Variants in TBX5 observed in about 807,000 individuals in gnomAD.
TBX5 encodes T-box transcription factor TBX5.
In TBX5, 8 loss-of-function variants were observed where a neutral mutation model predicts 51.1. The ratio of observed to expected loss-of-function variants is 0.16; its 90% CI spans 0.09 to 0.28. TBX5 has a LOEUF of 0.28. TBX5 is among the 10% of genes least tolerant of loss of function. The pLI is 1.00. For missense variants in TBX5, 589 were observed against 671.7 expected, an observed-to-expected ratio of 0.88 and a Z score of 1.36; for synonymous variants, 302 against 266.4, an observed-to-expected ratio of 1.13 and a Z score of -1.30.
intron 7 of TBX5, among the ~76,000 whole-genome samples, chr12:114,377,060 C>G (rs1870231364): frequency 6.6e-6 from 1 of 152,196 alleles, no homozygotes; most frequent in Non-Finnish European, 1.5e-5. Context: ...TCCCCAGACA[C>G]AACCCCGCTC....
intron 7 of TBX5, among the ~76,000 whole-genome samples, chr12:114,379,515 T>G (rs2555031): frequency 0.78 from 118,504 of 152,184 alleles, 46,460 homozygotes; most frequent in East Asian, 0.83. Context: ...GGAAGCCAGG[T>G]TGTCCCAGCC....
chr12:114,384,745 A>ACACACACACAAC (rs10629159), intron 7 of TBX5, among the ~76,000 whole-genome samples: 22,930 of 114,184 alleles, frequency 0.2, 1,900 homozygotes, highest in Admixed American at 0.29. Flanking sequence ...ACACACACAC[A>ACACACACACAAC]ACACACACAC....
At chr12:114,381,752 G>A (rs1870516297) in intron 7 of TBX5, among the ~76,000 whole-genome samples, 1 of 152,084 alleles carries the variant, frequency 6.6e-6, no homozygotes, top group African/African-American at 2.4e-5. Context: ...GCCTTCTGTG[G>A]GAACCACTCT....
chr12:114,381,079 A>C (rs1870480501), intron 7 of TBX5, among the ~76,000 whole-genome samples: 1 of 152,306 alleles, frequency 6.6e-6, no homozygotes, highest in African/African-American at 2.4e-5. Flanking sequence ...TGTAACTAGA[A>C]ACCATTAAAA....
At chr12:114,387,739 G>A (rs559749222) in intron 6 of TBX5, among the ~76,000 whole-genome samples, 3 of 152,336 alleles carry the variant, frequency 2.0e-5, no homozygotes, top group South Asian at 4.1e-4. Flanking sequence ...TGTCCATGGT[G>A]GGGGTGGCTG....
At chr12:114,397,666 A>C (rs929959464) in intron 5 of TBX5, among the ~76,000 whole-genome samples, 1 of 152,190 alleles carries the variant, frequency 6.6e-6, no homozygotes, top group Non-Finnish European at 1.5e-5. Flanking sequence ...ATTCAGTTTC[A>C]GGAAATTCAC....
At chr12:114,373,709 G>A (rs1229189486) in intron 7 of TBX5, among the ~76,000 whole-genome samples, 9 of 152,078 alleles carry the variant, frequency 5.9e-5, no homozygotes, top group African/African-American at 1.2e-4. Context: ...CGCCCACCTC[G>A]GCCTCCCAAA....
intron 2 of TBX5, among the ~76,000 whole-genome samples, chr12:114,403,397 C>T (rs1593885746): frequency 6.6e-6 from 1 of 150,514 alleles, no homozygotes; most frequent in Admixed American, 6.6e-5. Context: ...TGCTGGGGGC[C>T]GATTCTACAC....
At chr12:114,395,514 A>G (rs1477966324) in intron 5 of TBX5, among the ~76,000 whole-genome samples, 1 of 152,112 alleles carries the variant, frequency 6.6e-6, no homozygotes, top group Non-Finnish European at 1.5e-5. Flanking sequence ...AAGAGAAGAT[A>G]TTTGGGGGTC....
intron 6 of TBX5, among the ~76,000 whole-genome samples, chr12:114,388,539 G>A (rs1380796164): frequency 6.6e-6 from 1 of 151,996 alleles, no homozygotes; most frequent in African/African-American, 2.4e-5. Flanking sequence ...GTGCAGTGGA[G>A]TGACCATAGC....
Position 114,394,705 on chromosome 12 carries a change from C to T in TBX5, c.663+36G>A, listed in dbSNP as rs2236017. Reference sequence around the variant, plus strand: ...AGATTCATGCAAAAGAAAGAGCAGACGGCCCCAGGCACTGGTTCCTGGGCT... The same window carrying T: ...AGATTCATGCAAAAGAAAGAGCAGATGGCCCCAGGCACTGGTTCCTGGGCT... On this transcript the variant is annotated intron_variant, in intron 6 of 8. Coordinates refer to ENST00000405440, the MANE Select transcript of TBX5 (RefSeq NM_181486.4). 19 of 1,613,396 alleles carry T rather than the reference C, an allele frequency of 1.2e-5. No individual in the cohort carries two copies. The Admixed American group carries it at 1.5e-4, about 13-fold the overall frequency.
chr12:114,356,082 T>C lies in TBX5; in HGVS notation c.1007A>G (p.His336Arg). The C allele has an allele frequency of 6.2e-7, 1 of 1,612,604 alleles. No individual in the cohort carries two copies. Among genetic ancestry groups the C allele is most frequent in the South Asian group, 1.1e-5 (1 of 91,074 alleles). ...CTCCATGTAGGGCTTCTTATAGGGA[T>C]GGTCTGTGGTGGAACATTCTTCCTC... is the stretch of plus-strand genomic sequence containing the variant. ...RKEEECSTTD[H>R]PYKKPYMETS... Residue 336 changes from histidine (H) to arginine (R), a missense_variant, in exon 9 of 9, where the codon CAT becomes CGT. His to Arg is a conservative substitution (Grantham distance 29, BLOSUM62 0). Around this residue, in one of 7 missense-constraint regions of TBX5, gnomAD observed 348 missense variants for 360.4 expected, o/e 0.97. Coordinates refer to ENST00000405440, the MANE Select transcript of TBX5 (RefSeq NM_181486.4).
chr12:114,371,181 A>G (rs896631672), intron 7 of TBX5, among the ~76,000 whole-genome samples: 5 of 152,178 alleles, frequency 3.3e-5, no homozygotes, highest in Non-Finnish European at 7.3e-5. Context: ...CAGAAACTTT[A>G]GTTTGCAACA....
At chr12:114,360,897 C>T (rs181330859) in intron 8 of TBX5, among the ~76,000 whole-genome samples, 30 of 152,178 alleles carry the variant, frequency 2.0e-4, no homozygotes, top group African/African-American at 4.1e-4. Context: ...AGATTCTCAA[C>T]GAGAAATCAA....
intron 7 of TBX5, among the ~76,000 whole-genome samples, chr12:114,377,480 T>C (rs1870256481): frequency 6.6e-6 from 1 of 152,006 alleles, no homozygotes; most frequent in Non-Finnish European, 1.5e-5. Context: ...TGCCTCAAAC[T>C]CCTGGGCTCA....
intron 8 of TBX5, among the ~76,000 whole-genome samples, chr12:114,359,161 A>C (rs1432510880): frequency 6.6e-6 from 1 of 152,226 alleles, no homozygotes; most frequent in Non-Finnish European, 1.5e-5. Context: ...TCCAGTCTTT[A>C]ATACCCCAAA....
rs1443684209 is a variant in TBX5 at position 114,355,282 on chromosome 12, G to A, written c.*250C>T. On this transcript the variant is annotated 3_prime_UTR_variant, in exon 9 of 9. Transcript: ENST00000405440. ...TTGATGGGTGTGGTGGTAGTGGGGG[G>A]TGGGACTCATCTTTTTGTGTTTGTT... 2.9e-5 allele frequency: 16 copies of A among 554,466 alleles called. No homozygotes were observed. Among genetic ancestry groups the A allele is most frequent in the South Asian group, 5.2e-5 (3 of 57,750 alleles). 34.3% of individuals were successfully genotyped at this position (554,466 alleles called of 1,614,324 possible). A position where few individuals can be genotyped will look rare whatever the true frequency, so the allele number is the denominator to read the frequency against.
chr12:114,373,647 C>T (rs1175654270), intron 7 of TBX5, among the ~76,000 whole-genome samples: 2 of 152,100 alleles, frequency 1.3e-5, no homozygotes, highest in South Asian at 2.1e-4. Context: ...TTAGAAGAGG[C>T]GGGGTTTCAC....
chr12:114,375,763 C>T (rs922932108), intron 7 of TBX5, among the ~76,000 whole-genome samples: 1 of 152,098 alleles, frequency 6.6e-6, no homozygotes, highest in East Asian at 1.9e-4. Context: ...GAACTATCAG[C>T]CAGGTGCAGT....
Sources: gnomAD v4.1 joint callset for allele counts (sites outside exome capture counted in the v4.1 genomes callset) on GRCh38, gnomAD v4.1.1 for gene constraint, gnomAD v4.1.1 regional missense constraint, MANE v1.5 for transcripts, NCBI Gene and HGNC (gene_info 2026-07-23, HGNC 2026-07-21) for gene names.